Variants in PTPRC observed in about 807,000 individuals in gnomAD.
The protein encoded by PTPRC is protein tyrosine phosphatase receptor type C.
A neutral mutation model predicts 155.9 loss-of-function variants in PTPRC; 44 were observed. The ratio of observed to expected loss-of-function variants is 0.28; its 90% confidence interval spans 0.22 to 0.36. PTPRC has a LOEUF of 0.36. Ranked by LOEUF, PTPRC falls within the 10% of genes least tolerant of loss-of-function variation. PTPRC has a pLI of 1.00. For synonymous variants in PTPRC, 525 were observed against 533.1 expected (o/e 0.98, Z 0.21); for missense variants, 1,401 against 1,564.6 (o/e 0.90, Z 1.76).
chr1:198,749,518 C>T lies in PTPRC; in HGVS notation c.3041C>T (p.Pro1014Leu). ...SSDDDSDSEE[P>L]SKYINASFIM... ...GATGATGACAGTGATTCAGAGGAAC[C>T]AAGCAAATACATCAATGCATCTTTT... Residue 1014 changes from proline to leucine, a missense_variant, in exon 28 of 33, where the codon CCA becomes CTA. Pro to Leu is a moderately conservative substitution (Grantham distance 98, BLOSUM62 -3). Coordinates refer to ENST00000442510, the MANE Select transcript of PTPRC (RefSeq NM_002838.5). The T allele has an allele frequency of 2.5e-6, 4 of 1,610,914 alleles. No homozygotes were observed. The South Asian group carries it at 4.4e-5, about 18-fold the overall frequency.
chr1:198,648,202 C>T (rs1369546592), intron 2 of PTPRC, among the ~76,000 whole-genome samples: 1 of 151,734 alleles, frequency 6.6e-6, no homozygotes, highest in African/African-American at 2.4e-5. Flanking sequence ...AGGTACTAGA[C>T]AATAGTCCTA....
chr1:198,738,420 C>A (rs1236548220), intron 23 of PTPRC, among the ~76,000 whole-genome samples: 1 of 151,662 alleles, frequency 6.6e-6, no homozygotes, highest in Non-Finnish European at 1.5e-5. Context: ...TGTCTTTTGT[C>A]CTTCATTCTG....
chr1:198,739,912 A>G (rs1654822061), intron 23 of PTPRC, among the ~76,000 whole-genome samples: 1 of 151,882 alleles, frequency 6.6e-6, no homozygotes, highest in Non-Finnish European at 1.5e-5. Context: ...AATAACAAGA[A>G]TAAGTTTGGA....
chr1:198,748,913 C>T lies in PTPRC; in HGVS notation c.2939-503C>T, dbSNP rs927350866. ...TGGAATTGATGGTGATATGGTTAAT[C>T]AAATCATTTGACCAAGTTATTATAA... is the stretch of plus-strand genomic sequence containing the variant. On this transcript the variant is annotated intron_variant, in intron 27 of 32. Coordinates refer to ENST00000442510, the MANE Select transcript of PTPRC (RefSeq NM_002838.5). 2.0e-5 allele frequency among the ~76,000 whole-genome samples: 3 copies of T among 151,450 alleles called. No homozygotes were observed. The East Asian group carries it at 5.8e-4, about 30-fold the overall frequency.
chr1:198,693,129 C>G (rs1172841748), intron 3 of PTPRC: 1 of 948,240 alleles, frequency 1.1e-6, no homozygotes, highest in African/African-American at 1.8e-5. Context: ...ACAATTCCAA[C>G]TAACGTACAT....
chr1:198,741,788 C>G, intron 23 of PTPRC, 81 bp from the exon 24 acceptor site: 1 of 1,378,514 alleles, frequency 7.3e-7, no homozygotes, highest in Middle Eastern at 2.0e-4. Context: ...AGACTTTGTA[C>G]TGGTACTCCC....
chr1:198,666,518 G>T (rs544775235), intron 2 of PTPRC, among the ~76,000 whole-genome samples: 1 of 152,160 alleles, frequency 6.6e-6, no homozygotes, highest in East Asian at 1.9e-4. Flanking sequence ...TATAGTAAAT[G>T]TAAAAATAAA....
rs5779935 is a variant in PTPRC at position 198,662,444 on chromosome 1, CTG to C, written c.73+23136_73+23137del. Among the ~76,000 whole-genome samples, 602 of 131,208 alleles carry C rather than the reference CTG, an allele frequency of 4.6e-3. 5 individuals carry two copies. Among genetic ancestry groups the C allele is most frequent in the African/African-American group, 0.012 (418 of 34,678 alleles). The allele number at this position is 131,208 out of a possible 152,430, so 86.1% of individuals were successfully genotyped here. ...ATTTTGGCTGGGAATTTTCTGAGAG[CTG>C]TGTGTGTGTGTGTGTGTGTGTGTGT... On this transcript the variant is annotated intron_variant, in intron 2 of 32. Coordinates refer to ENST00000442510, the MANE Select transcript of PTPRC (RefSeq NM_002838.5).
At chr1:198,665,106 T>C (rs943794310) in intron 2 of PTPRC, among the ~76,000 whole-genome samples, 2 of 117,928 alleles carry the variant, frequency 1.7e-5, no homozygotes, top group South Asian at 3.0e-4. Context: ...TTTTTTTTTT[T>C]TGAGACGGAG....
At chr1:198,652,203 C>A (rs957984945) in intron 2 of PTPRC, among the ~76,000 whole-genome samples, 2 of 151,730 alleles carry the variant, frequency 1.3e-5, no homozygotes, top group African/African-American at 4.8e-5. Context: ...CTTCCTGTCG[C>A]TGCTTAATTT....
At position 198,755,978 on chromosome 1, in the gene PTPRC, A is replaced by C. The variant is rs1419641844; in HGVS notation, c.3718A>C (p.Asn1240His). The part of the protein sequence containing the change: ...PAQNGQVKKN[N>H]HQEDKIEFDN... ...TCAGAATGGACAAGTAAAGAAAAACAACCATCAAGAAGATAAAATTGAATT... is the reference window on the plus strand; with the variant it reads ...TCAGAATGGACAAGTAAAGAAAAACCACCATCAAGAAGATAAAATTGAATT... The change falls in exon 33 of 33, where the codon AAC (asparagine) becomes CAC (histidine). Residue 1240 changes from asparagine (N) to histidine (H), a missense_variant. Asn to His is a moderately conservative substitution (Grantham distance 68). Around this residue, in one of 3 missense-constraint regions of PTPRC, gnomAD observed 400 missense variants for 389.5 expected, o/e 1.03. Coordinates refer to ENST00000442510, the MANE Select transcript of PTPRC (RefSeq NM_002838.5). 1.9e-6 allele frequency: 3 copies of C among 1,613,154 alleles called. No homozygotes were observed. In the South Asian group the frequency reaches 3.3e-5, roughly 18 times the overall value.
chr1:198,653,097 T>C (rs763985267), intron 2 of PTPRC, among the ~76,000 whole-genome samples: 129 of 152,024 alleles, frequency 8.5e-4, no homozygotes, highest in Middle Eastern at 3.4e-3. Context: ...TTTCTATTAA[T>C]ATCAATTTAA....
At chr1:198,724,390 C>A (rs1654032366) in intron 15 of PTPRC, among the ~76,000 whole-genome samples, 1 of 152,124 alleles carries the variant, frequency 6.6e-6, no homozygotes, top group Admixed American at 6.5e-5. Flanking sequence ...TTGCTCTGAT[C>A]TGGACTCTCA....
intron 2 of PTPRC, among the ~76,000 whole-genome samples, chr1:198,668,692 A>G (rs1664466515): frequency 6.6e-6 from 1 of 152,266 alleles, no homozygotes; most frequent in African/African-American, 2.4e-5. Context: ...AGCTTGAAGC[A>G]AGAATGATTG....
chr1:198,646,312 G>T (rs1662935802), intron 2 of PTPRC, among the ~76,000 whole-genome samples: 1 of 151,708 alleles, frequency 6.6e-6, no homozygotes, highest in African/African-American at 2.4e-5. Context: ...AAGTTCTACT[G>T]AATATAGCTT....
At chr1:198,662,918 C>T (rs1242566467) in intron 2 of PTPRC, among the ~76,000 whole-genome samples, 2 of 152,176 alleles carry the variant, frequency 1.3e-5, no homozygotes, top group East Asian at 3.8e-4. Flanking sequence ...ACCATTCCCT[C>T]TCTGCAGTTG....
rs560564995 is a variant in PTPRC, at chr1:198,680,047, T to C, written c.74-12300T>C. 6.6e-4 allele frequency: 337 copies of C among 509,624 alleles called. 2 individuals are homozygous for C. The highest frequency in any genetic ancestry group is 9.1e-4 in the Non-Finnish European group (263 of 288,232). The allele number at this position is 509,624 out of a possible 1,614,324, so 31.6% of individuals were successfully genotyped here. The stretch of plus-strand genomic sequence containing the variant: ...CTTGCTGAGGTCCCTGGCATGGCTG[T>C]GCAAGAACGCAGCGCGCAGCTGGGA... On this transcript the variant is annotated intron_variant, in intron 2 of 32. Coordinates refer to ENST00000442510, the MANE Select transcript of PTPRC (RefSeq NM_002838.5).
intron 26 of PTPRC, among the ~76,000 whole-genome samples, chr1:198,746,608 G>T (rs1381272566): frequency 1.3e-5 from 2 of 151,786 alleles, no homozygotes; most frequent in Non-Finnish European, 2.9e-5. Context: ...TGTATCTGAG[G>T]ATACAAATAA....
chr1:198,686,400 A>G (rs1029439168), intron 2 of PTPRC, among the ~76,000 whole-genome samples: 1 of 152,218 alleles, frequency 6.6e-6, no homozygotes, highest in African/African-American at 2.4e-5. Context: ...TAAAAAATGT[A>G]GAAAATTTCA....
Sources: allele counts gnomAD v4.1 joint callset (sites outside exome capture counted in the v4.1 genomes callset), GRCh38; gene constraint gnomAD v4.1.1; regional missense constraint gnomAD v4.1.1; transcripts MANE v1.5; gene names NCBI Gene and HGNC (gene_info 2026-07-23, HGNC 2026-07-21).